The following SLC1A4 variants were observed in gnomAD, a reference collection of about 807,000 sequenced individuals.
The protein encoded by SLC1A4 is solute carrier family 1 member 4.
In SLC1A4, 19 loss-of-function variants were observed where a neutral mutation model predicts 37.7. That is an observed-to-expected ratio of 0.50 (90% confidence interval 0.35 to 0.74). The LOEUF (loss-of-function observed/expected upper bound fraction) is 0.74, where lower values mean the gene tolerates loss of function less well. Ranked by LOEUF, SLC1A4 falls within the 30% of genes least tolerant of loss-of-function variation. The probability of loss-of-function intolerance (pLI) is 0.01; values close to 1 mark genes in which losing one functional copy is unlikely to be tolerated. For synonymous variants in SLC1A4, 299 were observed against 309.8 expected (o/e 0.97, Z 0.37); for missense variants, 570 against 712.9 (o/e 0.80, Z 2.28).
Position 65,018,117 on chromosome 2 carries a change from G to C in SLC1A4, c.1081G>C (p.Gly361Arg), listed in dbSNP as rs1191233004. 1 of 1,614,140 alleles carries C rather than the reference G, an allele frequency of 6.2e-7. No homozygotes were observed. The highest frequency in any genetic ancestry group is 2.2e-5 in the East Asian group (1 of 44,886). ...GATGAAGTGCATTGAAGAGAACAAT[G>C]GTGTGGACAAGAGGATCAGCAGGTT... is the stretch of plus-strand genomic sequence containing the variant. ...SMMKCIEENN[G>R]VDKRISRFIL... is the part of the protein sequence containing the mutation. The change falls in exon 6 of 8, where the codon GGT becomes CGT. Residue 361 changes from glycine (G) to arginine (R), a missense_variant. Gly to Arg is a moderately radical substitution (Grantham distance 125). Coordinates refer to ENST00000234256, the MANE Select transcript of SLC1A4 (RefSeq NM_003038.5). This position sits in a 1 kb window ranked among gnomAD's most constrained non-coding sequence, Gnocchi z 4.3.
In SLC1A4 at chr2:65,018,271, T is replaced by C. The variant is rs935064458; in HGVS notation, c.1229+6T>C. On this transcript the variant is annotated splice_donor_region_variant and intron_variant, in intron 6 of 7. Transcript: ENST00000234256. This position sits in a 1 kb window ranked among gnomAD's most constrained non-coding sequence, Gnocchi z 4.3. ...GGACAGATTTTCACCATTCTGTAAG[T>C]TCCTCATTCTTTCCCTGGCTCAAAA... 9 of 1,608,132 alleles carry C rather than the reference T, an allele frequency of 5.6e-6. No individual in the cohort carries two copies. The highest frequency in any genetic ancestry group is 7.7e-6 in the Non-Finnish European group (9 of 1,175,274).
chr2:65,016,813 G>GT (rs1008187014), intron 5 of SLC1A4, 140 bp downstream of exon 5: 3 of 651,272 alleles, frequency 4.6e-6, no homozygotes, highest in African/African-American at 3.7e-5. Context: ...TTATTTTTTT[G>GT]TTTTTTCTTC....
intron 4 of SLC1A4, among the ~76,000 whole-genome samples, chr2:65,015,903 G>A (rs980210755): frequency 3.3e-5 from 5 of 152,188 alleles, no homozygotes; most frequent in African/African-American, 4.8e-5. Flanking sequence ...CGCTCCAGGC[G>A]TGTTCCCAGA....
At chr2:65,001,103 GT>G in intron 1 of SLC1A4, 1 of 206,682 alleles carries the variant, frequency 4.8e-6, no homozygotes, top group Non-Finnish European at 9.7e-6. Flanking sequence ...AGTATCTACT[GT>G]GGCCCAGCAG....
Position 64,989,659 on chromosome 2 carries a change from G to C in SLC1A4, c.16G>C (p.Glu6Gln), listed in dbSNP as rs746712622. 5 of 1,536,906 alleles carry C rather than the reference G, an allele frequency of 3.3e-6. No homozygotes were observed. In the South Asian group the frequency reaches 6.1e-5, roughly 19 times the overall value. The change falls in exon 1 of 8, where the codon GAG becomes CAG. Residue 6 changes from glutamate (E) to glutamine (Q), a missense_variant. Physicochemically the swap from Glu to Gln is conservative, Grantham distance 29. Transcript: ENST00000234256. Reference protein sequence around the residue: MEKSNETNGYLDSAQA... With the variant: MEKSNQTNGYLDSAQA... ...GTGTAGCGCCATGGAGAAGAGCAAC[G>C]AGACCAACGGCTACCTTGACAGCGC... is the stretch of plus-strand genomic sequence containing the variant.
chr2:64,989,760 G>C lies in SLC1A4; in HGVS notation c.117G>C (p.Leu39=). The C allele has an allele frequency of 6.9e-7, 1 of 1,443,958 alleles. No homozygotes were observed. The highest frequency in any genetic ancestry group is 9.0e-7 in the Non-Finnish European group (1 of 1,106,598). 89.4% of individuals were successfully genotyped at this position (1,443,958 alleles called of 1,614,324 possible). ...AGRARRCAGF[L]RRQALVLLTV... Reference sequence around the variant, plus strand: ...GCGCACGGCGTTGCGCGGGCTTCCTGCGGCGCCAAGCGCTGGTGCTGCTCA... The same window carrying C: ...GCGCACGGCGTTGCGCGGGCTTCCTCCGGCGCCAAGCGCTGGTGCTGCTCA... The change falls in exon 1 of 8, where the codon CTG becomes CTC. Residue 39 remains leucine (L), a synonymous_variant. Coordinates refer to ENST00000234256, the MANE Select transcript of SLC1A4 (RefSeq NM_003038.5).
In SLC1A4 at chr2:65,016,610, A is replaced by C; in HGVS notation, c.971A>C (p.Asn324Thr). ...PLIYFVFTRK[N>T]PFRFLLGLLA... ...ATTTATTTTGTTTTCACACGAAAAA[A>C]CCCATTCAGATTCCTCCTGGGCCTC... The change falls in exon 5 of 8, where the codon AAC becomes ACC. Residue 324 changes from asparagine to threonine, a missense_variant. Coordinates refer to ENST00000234256, the MANE Select transcript of SLC1A4 (RefSeq NM_003038.5). 6.2e-7 allele frequency: 1 copy of C among 1,614,006 alleles called. No homozygotes were observed. Among genetic ancestry groups the C allele is most frequent in the Non-Finnish European group, 8.5e-7 (1 of 1,180,006 alleles).
rs1363994161 is a variant in SLC1A4 at position 64,995,008 on chromosome 2, C to T, written c.527+4838C>T. Reference sequence around the variant, plus strand: ...GGCAAGATGAAGACAGCACATCTAACAAGGATCCAAATTAATGGCATTGTC... The same window carrying T: ...GGCAAGATGAAGACAGCACATCTAATAAGGATCCAAATTAATGGCATTGTC... On this transcript the variant is annotated intron_variant, in intron 1 of 7. Transcript: ENST00000234256. 2.0e-5 allele frequency: 3 copies of T among 152,262 alleles called. No homozygotes were observed. The South Asian group carries it at 6.2e-4, about 32-fold the overall frequency. The allele number at this position is 152,262 out of a possible 1,614,324, so 9.4% of individuals were successfully genotyped here.
Position 65,021,239 on chromosome 2 carries a change from CT to C in SLC1A4, c.*97del. On this transcript the variant is annotated 3_prime_UTR_variant, in exon 8 of 8. Transcript: ENST00000234256. The stretch of plus-strand genomic sequence containing the variant: ...GGACACAGGGCACTGCCCTTGCCAA[CT>C]TTTACCCTCCCAAGCAATGCTTTGG... 3.0e-6 allele frequency: 3 copies of C among 986,500 alleles called. No individual in the cohort carries two copies. The highest frequency in any genetic ancestry group is 3.2e-5 in the African/African-American group (2 of 61,636). The allele number at this position is 986,500 out of a possible 1,614,324, so 61.1% of individuals were successfully genotyped here. A position where few individuals can be genotyped will look rare whatever the true frequency, so the allele number is the denominator to read the frequency against.
intron 3 of SLC1A4, among the ~76,000 whole-genome samples, chr2:65,010,058 A>G (rs1165245787): frequency 6.6e-6 from 1 of 151,976 alleles, no homozygotes; most frequent in Non-Finnish European, 1.5e-5. Flanking sequence ...CAGCCTCCCA[A>G]GTAGCTGGGA....
At chr2:65,019,133 C>T (rs545560878) in intron 7 of SLC1A4, among the ~76,000 whole-genome samples, 28 of 152,290 alleles carry the variant, frequency 1.8e-4, no homozygotes, top group African/African-American at 6.5e-4. Flanking sequence ...GGCTTGGGCT[C>T]AGCAGAGGAG....
chr2:65,004,094 GTGGGCTGAAAACTT>G (rs1673583354), intron 3 of SLC1A4, 79 bp downstream of exon 3: 1 of 1,269,576 alleles, frequency 7.9e-7, no homozygotes, highest in African/African-American at 1.5e-5. Context: ...CATACAGGAC[GTGGGCTGAAAACTT>G]TGAGGTTTGA....
At chr2:65,014,806 G>A (rs79718333) in intron 4 of SLC1A4, among the ~76,000 whole-genome samples, 6,807 of 152,294 alleles carry the variant, frequency 0.045, 259 homozygotes, top group East Asian at 0.25. Context: ...TTGCAGTGTC[G>A]TTTGTAACGA....
At chr2:65,008,333 G>C (rs746889069) in intron 3 of SLC1A4, among the ~76,000 whole-genome samples, 26 of 152,204 alleles carry the variant, frequency 1.7e-4, no homozygotes, top group Non-Finnish European at 2.8e-4. Context: ...TCCCAGGAGA[G>C]AGTAGTGACA....
At chr2:64,995,499 A>G (rs557581831) in intron 1 of SLC1A4, among the ~76,000 whole-genome samples, 2 of 152,120 alleles carry the variant, frequency 1.3e-5, no homozygotes, top group Non-Finnish European at 2.9e-5. Context: ...TACCCTTTCC[A>G]GCTGGAATCT....
chr2:65,001,877 G>C (rs1226909466), intron 2 of SLC1A4, among the ~76,000 whole-genome samples: 1 of 152,064 alleles, frequency 6.6e-6, no homozygotes, highest in African/African-American at 2.4e-5. Context: ...ATACAAAGAA[G>C]TGTCAGAAAA....
intron 1 of SLC1A4, among the ~76,000 whole-genome samples, 153 bp downstream of exon 1, chr2:64,990,323 C>T (rs1442590334): frequency 3.3e-5 from 5 of 152,198 alleles, no homozygotes; most frequent in African/African-American, 1.2e-4. Context: ...AAAATGACGT[C>T]TGGAGTTTTT....
At chr2:65,016,728 G>A in intron 5 of SLC1A4, 55 bp downstream of exon 5, 2 of 1,160,608 alleles carry the variant, frequency 1.7e-6, no homozygotes, top group Non-Finnish European at 2.6e-6. Context: ...ATGGAACCAG[G>A]TGAGCCCAGT....
At position 65,018,158 on chromosome 2, in the gene SLC1A4, G is replaced by C. The variant is rs6756968; in HGVS notation, c.1122G>C (p.Gly374=). 24,761 of 1,614,082 alleles carry C rather than the reference G, an allele frequency of 0.015. 232 individuals carry two copies. The highest frequency in any genetic ancestry group is 0.019 in the Non-Finnish European group (22,127 of 1,180,000). ...TCAGCAGGTTTATTCTCCCCATCGG[G>C]GCCACCGTGAACATGGACGGAGCAG... ...KRISRFILPI[G]ATVNMDGAAI... The change falls in exon 6 of 8, where the codon GGG becomes GGC. Residue 374 remains glycine (G), a synonymous_variant. Coordinates refer to ENST00000234256, the MANE Select transcript of SLC1A4 (RefSeq NM_003038.5). This position sits in a 1 kb window ranked among gnomAD's most constrained non-coding sequence, Gnocchi z 4.3.
Sources: gnomAD v4.1 joint callset for allele counts (sites outside exome capture counted in the v4.1 genomes callset) on GRCh38, gnomAD v4.1.1 for gene constraint, Gnocchi (gnomAD v3.1) non-coding constraint, MANE v1.5 for transcripts, NCBI Gene and HGNC (gene_info 2026-07-23, HGNC 2026-07-21) for gene names.